Variants in ZNF385D observed in about 807,000 individuals in gnomAD.
ZNF385D encodes the protein zinc finger protein 385D.
A neutral mutation model predicts 35.8 loss-of-function variants in ZNF385D; 15 were observed. The observed-to-expected ratio is 0.42, with a 90% CI of 0.28 to 0.64. ZNF385D has a LOEUF of 0.64. Ranked by LOEUF, ZNF385D falls within the 30% of genes least tolerant of loss-of-function variation. The pLI, the probability that ZNF385D is intolerant of heterozygous loss-of-function variation, is 0.23. For missense variants in ZNF385D, 474 were observed against 494.6 expected (o/e 0.96, Z 0.39); for synonymous variants, 212 against 186.8 (o/e 1.13, Z -1.10).
intron 3 of ZNF385D, among the ~76,000 whole-genome samples, chr3:21,556,968 C>A (rs1440051930): frequency 6.6e-6 from 1 of 151,760 alleles, no homozygotes; most frequent in Non-Finnish European, 1.5e-5. Context: ...ATTTGGCCCT[C>A]TGTCTGTTAT....
rs150475346 is a variant in ZNF385D, at chr3:21,653,659, C to G, written c.165+11227G>C. ...TCATTCCAAACAAGGCTCTTAAAACCAGATTCTGTCAATAGCACCTCATAG... is the reference window on the plus strand; with the variant it reads ...TCATTCCAAACAAGGCTCTTAAAACGAGATTCTGTCAATAGCACCTCATAG... On this transcript the variant is annotated intron_variant, in intron 2 of 7. Transcript: ENST00000281523. 3.5e-3 allele frequency among the ~76,000 whole-genome samples: 528 copies of G among 151,860 alleles called. 4 individuals carry two copies. The highest frequency in any genetic ancestry group is 0.012 in the African/African-American group (496 of 41,438).
chr3:21,517,420 T>G (rs1334688201), intron 3 of ZNF385D, among the ~76,000 whole-genome samples: 1 of 152,190 alleles, frequency 6.6e-6, no homozygotes, highest in Non-Finnish European at 1.5e-5. Flanking sequence ...ACTGCCTAAG[T>G]GCTGCAACAC....
chr3:21,625,895 TATC>T (rs2125824156), intron 2 of ZNF385D, among the ~76,000 whole-genome samples: 2 of 152,200 alleles, frequency 1.3e-5, no homozygotes, highest in African/African-American at 4.8e-5. Flanking sequence ...GATTTGAAAT[TATC>T]ATTCAAATTA....
At chr3:21,760,772 A>G (rs1180161512) in intron 3 of ZNF385D, among the ~76,000 whole-genome samples, 1 of 152,208 alleles carries the variant, frequency 6.6e-6, no homozygotes, top group Non-Finnish European at 1.5e-5. Flanking sequence ...AGCAAAAATT[A>G]CATTTAACTG....
chr3:22,117,091 G>A (rs1037226784), intron 3 of ZNF385D, among the ~76,000 whole-genome samples: 4 of 152,044 alleles, frequency 2.6e-5, no homozygotes, highest in African/African-American at 9.7e-5. Context: ...GCTTTGAGAT[G>A]CCAGGCTTTA....
intron 3 of ZNF385D, among the ~76,000 whole-genome samples, chr3:21,873,738 T>C (rs13325465): frequency 0.027 from 4,099 of 152,236 alleles, 193 homozygotes; most frequent in African/African-American, 0.092. Flanking sequence ...GCCGTATTTG[T>C]CCTTTTGTGA....
At chr3:22,276,095 TAAAG>T (rs1242432517) in intron 2 of ZNF385D, among the ~76,000 whole-genome samples, 2 of 151,732 alleles carry the variant, frequency 1.3e-5, no homozygotes, top group East Asian at 1.9e-4. Context: ...AAAAAATAAA[TAAAG>T]AATCATGAGA....
intron 3 of ZNF385D, among the ~76,000 whole-genome samples, chr3:21,916,509 T>C (rs1700199154): frequency 1.3e-5 from 2 of 152,176 alleles, no homozygotes; most frequent in African/African-American, 4.8e-5. Context: ...ATCCACATAT[T>C]TCTATACCCC....
At chr3:21,445,620 T>G (rs1702106281) in intron 4 of ZNF385D, among the ~76,000 whole-genome samples, 1 of 152,170 alleles carries the variant, frequency 6.6e-6, no homozygotes, top group Non-Finnish European at 1.5e-5. Flanking sequence ...CCTTAATTTC[T>G]AAGTCAAAGA....
At chr3:22,199,302 G>A (rs1696627571) in intron 2 of ZNF385D, among the ~76,000 whole-genome samples, 1 of 152,086 alleles carries the variant, frequency 6.6e-6, no homozygotes, top group East Asian at 1.9e-4. Context: ...CATGTGGAAG[G>A]AAATGCAGAA....
At chr3:22,008,001 T>C (rs1696325252) in intron 3 of ZNF385D, among the ~76,000 whole-genome samples, 1 of 152,050 alleles carries the variant, frequency 6.6e-6, no homozygotes, top group Non-Finnish European at 1.5e-5. Context: ...CTAGAACTTG[T>C]ATAGTTTCTT....
chr3:21,729,767 A>C (rs2068913792), intron 1 of ZNF385D, among the ~76,000 whole-genome samples: 1 of 152,184 alleles, frequency 6.6e-6, no homozygotes, highest in Admixed American at 6.5e-5. Flanking sequence ...CCACTCAGGA[A>C]ATCTGCCAGA....
intron 3 of ZNF385D, among the ~76,000 whole-genome samples, chr3:21,910,982 C>G (rs1174060212): frequency 1.3e-5 from 2 of 151,850 alleles, no homozygotes; most frequent in African/African-American, 4.8e-5. Flanking sequence ...ATAGTATTTT[C>G]TAAAATCCCT....
At chr3:21,644,685 A>T (rs1324464837) in intron 2 of ZNF385D, among the ~76,000 whole-genome samples, 2 of 152,214 alleles carry the variant, frequency 1.3e-5, no homozygotes, top group Non-Finnish European at 2.9e-5. Flanking sequence ...TATCTTTACA[A>T]TACATACAAC....
chr3:22,339,006 T>G (rs949389752), intron 2 of ZNF385D, among the ~76,000 whole-genome samples: 4 of 152,076 alleles, frequency 2.6e-5, no homozygotes, highest in African/African-American at 4.8e-5. Flanking sequence ...TGGCCTCATC[T>G]CACTTTTTAA....
At chr3:21,874,437 T>G (rs1032121178) in intron 3 of ZNF385D, among the ~76,000 whole-genome samples, 31 of 152,122 alleles carry the variant, frequency 2.0e-4, no homozygotes, top group African/African-American at 7.0e-4. Context: ...TGCAAATATT[T>G]TCTCCCACTC....
intron 3 of ZNF385D, among the ~76,000 whole-genome samples, chr3:22,029,578 T>G (rs1296348903): frequency 1.3e-5 from 2 of 152,210 alleles, no homozygotes; most frequent in African/African-American, 2.4e-5. Context: ...TCATGAGTAT[T>G]TCCTTCTTCT....
intron 3 of ZNF385D, among the ~76,000 whole-genome samples, chr3:22,095,903 A>C (rs1166569261): frequency 6.6e-6 from 1 of 151,914 alleles, no homozygotes; most frequent in Admixed American, 6.6e-5. Flanking sequence ...TGGAGGTGAT[A>C]TTCACCATAT....
At chr3:22,159,550 C>T (rs972355555) in intron 3 of ZNF385D, among the ~76,000 whole-genome samples, 3 of 152,010 alleles carry the variant, frequency 2.0e-5, no homozygotes, top group African/African-American at 7.2e-5. Context: ...TTGCAAAAGA[C>T]AGTGCCCTTC....
Sources: allele counts gnomAD v4.1 joint callset (sites outside exome capture counted in the v4.1 genomes callset), GRCh38; gene constraint gnomAD v4.1.1; transcripts MANE v1.5; gene names NCBI Gene and HGNC (gene_info 2026-07-23, HGNC 2026-07-21).